HEY2: variants seen among roughly 807,000 people sequenced by gnomAD.
HEY2 encodes hairy/enhancer-of-split related with YRPW motif protein 2.
In HEY2, 10 loss-of-function variants were observed where a neutral mutation model predicts 18.1. The observed-to-expected ratio is 0.55, with a 90% CI of 0.34 to 0.94. HEY2 has a LOEUF of 0.94. Ranked by LOEUF, HEY2 falls within the 40% of genes least tolerant of loss-of-function variation. The probability of loss-of-function intolerance (pLI) is 0.02; values close to 1 mark genes in which losing one functional copy is unlikely to be tolerated. For missense variants in HEY2, 455 were observed against 455.9 expected, an observed-to-expected ratio of 1.00 and a Z score of 0.02; for synonymous variants, 210 against 182.7, an observed-to-expected ratio of 1.15 and a Z score of -1.21.
chr6:125,749,930 C>G, intron 1 of HEY2, 71 bp downstream of exon 1: 1 of 1,243,792 alleles, frequency 8.0e-7, no homozygotes, highest in Non-Finnish European at 1.1e-6. Flanking sequence ...GCGTGGCTCC[C>G]TGGAAATCCC....
At chr6:125,751,481 G>A (rs766679257) in intron 1 of HEY2, among the ~76,000 whole-genome samples, 60 of 152,188 alleles carry the variant, frequency 3.9e-4, no homozygotes, top group Non-Finnish European at 5.7e-4. Flanking sequence ...AAATATATGA[G>A]TGGAACTAGG....
At chr6:125,752,473 GTAATATTTTTAATTAAAAAACAA>G (rs1476715503) in intron 3 of HEY2, among the ~76,000 whole-genome samples, 1 of 141,068 alleles carries the variant, frequency 7.1e-6, no homozygotes, top group African/African-American at 2.6e-5. Context: ...TTTTTAAAAT[GTAATATTTTTAATTAAAAAACAA>G]TCAGAGCCCA....
intron 3 of HEY2, among the ~76,000 whole-genome samples, chr6:125,752,999 A>G (rs1773582850): frequency 6.6e-6 from 1 of 152,260 alleles, no homozygotes; most frequent in South Asian, 2.1e-4. Context: ...AGTTTCAATT[A>G]TTAGTGACTT....
intron 1 of HEY2, 118 bp from the exon 2 acceptor site, chr6:125,751,682 TA>T: frequency 1.6e-6 from 1 of 632,702 alleles, no homozygotes; most frequent in Non-Finnish European, 2.7e-6. Flanking sequence ...GAACTAAGAA[TA>T]AAATAACACA....
rs1391791499 is a variant in HEY2 at position 125,759,743 on chromosome 6, A to G, written c.955A>G (p.Ser319Gly). The change falls in exon 5 of 5, where the codon AGC (serine) becomes GGC (glycine). Residue 319 changes from serine (S) to glycine (G), a missense_variant. Transcript: ENST00000368364. ...AGCCACGTCCAGTCCTCAGCAGACCAGCAGTGGAACAAACAATAAACCTTA... is the reference window on the plus strand; with the variant it reads ...AGCCACGTCCAGTCCTCAGCAGACCGGCAGTGGAACAAACAATAAACCTTA... ...VSATSSPQQT[S>G]SGTNNKPYRP... The G allele has an allele frequency of 6.2e-7, 1 of 1,613,898 alleles. No individual in the cohort carries two copies. The highest frequency in any genetic ancestry group is 8.5e-7 in the Non-Finnish European group (1 of 1,180,040).
chr6:125,759,568 C>G lies in HEY2; in HGVS notation c.780C>G (p.Leu260=), dbSNP rs1773748215. Residue 260 remains leucine (L), a synonymous_variant, in exon 5 of 5, where the codon CTC becomes CTG. Transcript: ENST00000368364. ...CTCTCTCCACCTCTCTCTTGTCCCT[C>G]TCTGCCACCGTCCACGCCGCAGCCG... ...VPPLSTSLLS[L]SATVHAAAAA... is the part of the protein sequence containing the mutation. The G allele has an allele frequency of 1.9e-6, 3 of 1,610,904 alleles. No individual in the cohort carries two copies. The highest frequency in any genetic ancestry group is 2.5e-6 in the Non-Finnish European group (3 of 1,179,876).
At chr6:125,752,127 C>T (rs1773557395) in intron 3 of HEY2, 37 bp downstream of exon 3, 2 of 1,228,250 alleles carry the variant, frequency 1.6e-6, no homozygotes, top group Non-Finnish European at 2.3e-6. Context: ...CCCACCCACC[C>T]CGCCACCCCC....
chr6:125,752,446 AT>A (rs1773570517), intron 3 of HEY2, among the ~76,000 whole-genome samples: 1 of 150,234 alleles, frequency 6.7e-6, no homozygotes, highest in African/African-American at 2.4e-5. Flanking sequence ...AAAAAAAACC[AT>A]TTTTTTCTCA....
chr6:125,755,013 C>T (rs981935929), intron 4 of HEY2, among the ~76,000 whole-genome samples: 1 of 152,140 alleles, frequency 6.6e-6, no homozygotes, highest in African/African-American at 2.4e-5. Flanking sequence ...TTCAGCTATT[C>T]CAAAGGAATT....
rs1773785556 is a variant in HEY2 at position 125,760,757 on chromosome 6, A to T, written c.*955A>T. 1 of 152,722 alleles carries T rather than the reference A, an allele frequency of 6.5e-6. No homozygotes were observed. The highest frequency in any genetic ancestry group is 2.1e-4 in the South Asian group (1 of 4,828). 9.5% of individuals were successfully genotyped at this position (152,722 alleles called of 1,614,324 possible). A position where few individuals can be genotyped will look rare whatever the true frequency, so the allele number is the denominator to read the frequency against. On this transcript the variant is annotated 3_prime_UTR_variant, in exon 5 of 5. Transcript: ENST00000368364. ...TATTTATCCTCTTCATTTTCTCCTA[A>T]TGATGCAACATCTATTCTTGTCACC...
chr6:125,752,021 G>T lies in HEY2; in HGVS notation c.177G>T (p.Arg59Ser), dbSNP rs767898232. The change falls in exon 3 of 5, where the codon AGG becomes AGT. Residue 59 changes from arginine to serine, a missense_variant. Coordinates refer to ENST00000368364, the MANE Select transcript of HEY2 (RefSeq NM_012259.3). ...RKKRRGIIEK[R>S]RRDRINNSLS... is the part of the protein sequence containing the mutation. ...CTTTTGGATAGATTATAGAGAAAAGGCGTCGGGATCGGATAAATAACAGTT... is the reference window on the plus strand; with the variant it reads ...CTTTTGGATAGATTATAGAGAAAAGTCGTCGGGATCGGATAAATAACAGTT... 10 of 1,613,526 alleles carry T rather than the reference G, an allele frequency of 6.2e-6. No individual in the cohort carries two copies. Among genetic ancestry groups the T allele is most frequent in the Non-Finnish European group, 8.5e-6 (10 of 1,179,578 alleles).
intron 2 of HEY2, 23 bp from the exon 3 acceptor site, chr6:125,751,984 T>G: frequency 6.2e-7 from 1 of 1,605,138 alleles, no homozygotes. Context: ...CATAAACTTT[T>G]GTTGTTTGCT....
chr6:125,751,273 A>C (rs1487178459), intron 1 of HEY2, among the ~76,000 whole-genome samples: 1 of 152,240 alleles, frequency 6.6e-6, no homozygotes, highest in Non-Finnish European at 1.5e-5. Flanking sequence ...ATATATGACT[A>C]ACTGAAGTTT....
chr6:125,759,731 C>T lies in HEY2; in HGVS notation c.943C>T (p.Pro315Ser), dbSNP rs574736722. The T allele has an allele frequency of 4.0e-5, 64 of 1,613,746 alleles. No individual in the cohort carries two copies. The East Asian group carries it at 1.4e-3, about 35-fold the overall frequency. ...PPLSVSATSS[P>S]QQTSSGTNNK... ...CTTGTCAGTATCAGCCACGTCCAGT[C>T]CTCAGCAGACCAGCAGTGGAACAAA... Residue 315 changes from proline to serine, a missense_variant, in exon 5 of 5, where the codon CCT becomes TCT. Pro to Ser is a moderately conservative substitution (Grantham distance 74). Coordinates refer to ENST00000368364, the MANE Select transcript of HEY2 (RefSeq NM_012259.3).
Position 125,759,326 on chromosome 6 carries a change from C to T in HEY2, c.538C>T (p.Leu180Phe). Residue 180 changes from leucine to phenylalanine, a missense_variant, in exon 5 of 5, where the codon CTC becomes TTC. By Grantham distance (22) the Leu-to-Phe change is conservative. Coordinates refer to ENST00000368364, the MANE Select transcript of HEY2 (RefSeq NM_012259.3). ...CTCCATGGCCCACCACCATCATCCGCTCCACCCGCATCACTGGGCCGCCGC... is the reference window on the plus strand; with the variant it reads ...CTCCATGGCCCACCACCATCATCCGTTCCACCCGCATCACTGGGCCGCCGC... ...TSSMAHHHHP[L>F]HPHHWAAAFH... The T allele has an allele frequency of 1.2e-6, 2 of 1,605,418 alleles. No homozygotes were observed. The highest frequency in any genetic ancestry group is 2.2e-5 in the East Asian group (1 of 44,852).
Position 125,759,231 on chromosome 6 carries a change from C to A in HEY2, c.443C>A (p.Pro148Gln), listed in dbSNP as rs750775754. Residue 148 changes from proline (P) to glutamine (Q), a missense_variant, in exon 5 of 5, where the codon CCG becomes CAG. Physicochemically the swap from Pro to Gln is moderately conservative, Grantham distance 76. Transcript: ENST00000368364. The part of the protein sequence containing the change: ...SSVEGLDSSD[P>Q]LRVRLVSHLS... ...GTGGAAGGCCTGGACTCCTCGGATC[C>A]GCTGCGGGTGCGGCTTGTGTCTCAT... 32 of 1,612,012 alleles carry A rather than the reference C, an allele frequency of 2.0e-5. No individual in the cohort carries two copies. In the Admixed American group the frequency reaches 2.0e-4, roughly 10 times the overall value.
chr6:125,760,127 T>C lies in HEY2; in HGVS notation c.*325T>C. The stretch of plus-strand genomic sequence containing the variant: ...GTATGTCTGAATTGGGGAAGTAAAA[T>C]GCCCTGACTGAATTCTCTTGAGACT... On this transcript the variant is annotated 3_prime_UTR_variant, in exon 5 of 5. Coordinates refer to ENST00000368364, the MANE Select transcript of HEY2 (RefSeq NM_012259.3). The C allele has an allele frequency of 3.2e-6, 1 of 314,854 alleles. No individual in the cohort carries two copies. Among genetic ancestry groups the C allele is most frequent in the South Asian group, 3.8e-5 (1 of 26,378 alleles). The allele number at this position is 314,854 out of a possible 1,614,324, so 19.5% of individuals were successfully genotyped here.
intron 4 of HEY2, among the ~76,000 whole-genome samples, chr6:125,757,072 T>G (rs990772680): frequency 6.6e-6 from 1 of 152,198 alleles, no homozygotes; most frequent in Admixed American, 6.5e-5. Flanking sequence ...TAATGAAAAT[T>G]CTTAGAAGCT....
rs545762813 is a variant in HEY2, at chr6:125,755,439, A to G, written c.328+893A>G. 1.2e-4 allele frequency among the ~76,000 whole-genome samples: 18 copies of G among 152,256 alleles called. No individual in the cohort carries two copies. In the East Asian group the frequency reaches 3.3e-3, roughly 28 times the overall value. ...GTATATTTAACAACTGAATAAGGAG[A>G]AGGTATCAGAAGGATTTAAGGGCTC... is the stretch of plus-strand genomic sequence containing the variant. On this transcript the variant is annotated intron_variant, in intron 4 of 4. Coordinates refer to ENST00000368364, the MANE Select transcript of HEY2 (RefSeq NM_012259.3).
Sources: gnomAD v4.1 joint callset for allele counts (sites outside exome capture counted in the v4.1 genomes callset) on GRCh38, gnomAD v4.1.1 for gene constraint, MANE v1.5 for transcripts, NCBI Gene and HGNC (gene_info 2026-07-23, HGNC 2026-07-21) for gene names.